The following IQGAP2 variants were observed in gnomAD, a reference collection of about 807,000 sequenced individuals.
The protein encoded by IQGAP2 is ras GTPase-activating-like protein IQGAP2.
In IQGAP2, 173 loss-of-function variants were observed where a neutral mutation model predicts 201.3. The ratio of observed to expected loss-of-function variants is 0.86; its 90% CI spans 0.76 to 0.98. The LOEUF is 0.98. Ranked by LOEUF, IQGAP2 falls within the 50% of genes least tolerant of loss-of-function variation. The pLI, the probability that IQGAP2 is intolerant of heterozygous loss-of-function variation, is 0.00. For synonymous variants in IQGAP2, 675 were observed against 673.9 expected (o/e 1.00, Z -0.03); for missense variants, 1,687 against 1,864.8 (o/e 0.90, Z 1.76).
At chr5:76,452,048 A>C (rs1416100029) in intron 1 of IQGAP2, among the ~76,000 whole-genome samples, 1 of 152,026 alleles carries the variant, frequency 6.6e-6, no homozygotes, top group Non-Finnish European at 1.5e-5. Flanking sequence ...AAAAGAAAAA[A>C]ATTTAATCTC....
chr5:76,636,950 A>T, intron 15 of IQGAP2, 84 bp from the exon 16 acceptor site: 2 of 1,132,586 alleles, frequency 1.8e-6, no homozygotes, highest in Non-Finnish European at 2.4e-6. Context: ...AAACATATTC[A>T]ATTATTTTAC....
At chr5:76,631,415 A>G (rs1290207248) in intron 14 of IQGAP2, among the ~76,000 whole-genome samples, 1 of 152,174 alleles carries the variant, frequency 6.6e-6, no homozygotes, top group Non-Finnish European at 1.5e-5. Context: ...CTTGCTAAAT[A>G]TATTAGCACT....
Position 76,695,554 on chromosome 5 carries a change from T to G in IQGAP2, c.4094T>G (p.Leu1365Arg). 6.2e-7 allele frequency: 1 copy of G among 1,614,192 alleles called. No individual in the cohort carries two copies. The highest frequency in any genetic ancestry group is 8.5e-7 in the Non-Finnish European group (1 of 1,180,010). The change falls in exon 32 of 36, where the codon CTG (leucine) becomes CGG (arginine). Residue 1365 changes from leucine to arginine, a missense_variant. By Grantham distance (102) the Leu-to-Arg change is moderately radical. Transcript: ENST00000274364. ...HSQSMIEDAQLPLEQKKRKIQ... is the reference protein window; with the variant it reads ...HSQSMIEDAQRPLEQKKRKIQ... ...CAATCTATGATTGAAGATGCACAGC[T>G]GCCTCTTGAGCAGAAGAAGAGGAAA...
intron 35 of IQGAP2, among the ~76,000 whole-genome samples, chr5:76,706,381 T>C (rs1470061729): frequency 6.6e-6 from 1 of 152,194 alleles, no homozygotes; most frequent in African/African-American, 2.4e-5. Context: ...AGAGTCTTTC[T>C]CTGTCGCTGA....
At chr5:76,449,680 C>G (rs927464981) in intron 1 of IQGAP2, among the ~76,000 whole-genome samples, 2 of 152,206 alleles carry the variant, frequency 1.3e-5, no homozygotes, top group African/African-American at 4.8e-5. Flanking sequence ...TTTTCCATCC[C>G]TGCCTAGCTT....
intron 1 of IQGAP2, among the ~76,000 whole-genome samples, chr5:76,431,876 A>G (rs1453902098): frequency 6.6e-6 from 1 of 151,248 alleles, no homozygotes. Context: ...CTTACTGCTC[A>G]GGCAGTCTCC....
intron 3 of IQGAP2, among the ~76,000 whole-genome samples, chr5:76,569,055 CT>C (rs1021251289): frequency 6.6e-6 from 1 of 152,160 alleles, no homozygotes; most frequent in Non-Finnish European, 1.5e-5. Flanking sequence ...ACTCTCTGGG[CT>C]CTGTTTATTC....
intron 30 of IQGAP2, among the ~76,000 whole-genome samples, chr5:76,689,206 A>G (rs1171902930): frequency 6.8e-6 from 1 of 148,020 alleles, no homozygotes; most frequent in African/African-American, 2.5e-5. Flanking sequence ...CTATTTTTCT[A>G]ATACTACCAA....
chr5:76,631,550 A>G (rs1272498583), intron 14 of IQGAP2, among the ~76,000 whole-genome samples: 1 of 152,196 alleles, frequency 6.6e-6, no homozygotes, highest in African/African-American at 2.4e-5. Flanking sequence ...CTACATATCT[A>G]TGTTCGTGTG....
chr5:76,556,816 C>T (rs190969812), intron 2 of IQGAP2, among the ~76,000 whole-genome samples: 46 of 152,224 alleles, frequency 3.0e-4, no homozygotes, highest in Non-Finnish European at 4.9e-4. Context: ...ATTGGAAGGA[C>T]CTTTGAGAGC....
At chr5:76,629,475 G>C (rs930855382) in intron 14 of IQGAP2, among the ~76,000 whole-genome samples, 1 of 152,144 alleles carries the variant, frequency 6.6e-6, no homozygotes, top group Non-Finnish European at 1.5e-5. Flanking sequence ...ACATTCACTG[G>C]AGTATCTTGC....
intron 17 of IQGAP2, among the ~76,000 whole-genome samples, chr5:76,647,569 C>T (rs1453674905): frequency 6.6e-6 from 1 of 152,248 alleles, no homozygotes; most frequent in East Asian, 1.9e-4. Context: ...TTCTCATTCT[C>T]TCTTGCTGCC....
intron 2 of IQGAP2, among the ~76,000 whole-genome samples, chr5:76,487,344 AC>A (rs1390902362): frequency 6.6e-6 from 1 of 152,060 alleles, no homozygotes; most frequent in African/African-American, 2.4e-5. Flanking sequence ...TGATCTGCCC[AC>A]CTTGGCTTCC....
chr5:76,419,892 A>G (rs1751633568), intron 1 of IQGAP2, among the ~76,000 whole-genome samples: 1 of 152,066 alleles, frequency 6.6e-6, no homozygotes, highest in South Asian at 2.1e-4. Flanking sequence ...CAGTGTTACC[A>G]TTACTGTGTG....
intron 30 of IQGAP2, among the ~76,000 whole-genome samples, chr5:76,686,340 TTTGTTGTTG>T (rs900661142): frequency 7.1e-6 from 1 of 140,000 alleles, no homozygotes; most frequent in Admixed American, 7.1e-5. Context: ...ATCTGTTTTT[TTTGTTGTTG>T]TTGTTGTTGT....
chr5:76,626,734 G>A (rs1403871855), intron 13 of IQGAP2, among the ~76,000 whole-genome samples: 1 of 152,140 alleles, frequency 6.6e-6, no homozygotes, highest in South Asian at 2.1e-4. Context: ...GGGACACCTT[G>A]ACACTTAGTT....
At chr5:76,623,844 T>C (rs1004357570) in intron 13 of IQGAP2, among the ~76,000 whole-genome samples, 3 of 152,182 alleles carry the variant, frequency 2.0e-5, no homozygotes, top group African/African-American at 7.2e-5. Flanking sequence ...CAATGTAATA[T>C]TGATTTCAGT....
intron 2 of IQGAP2, among the ~76,000 whole-genome samples, chr5:76,503,289 T>C (rs1757398900): frequency 6.7e-6 from 1 of 149,520 alleles, no homozygotes; most frequent in Admixed American, 6.7e-5. Context: ...TTCTCCTGCC[T>C]CAGCCTCCTG....
intron 2 of IQGAP2, among the ~76,000 whole-genome samples, chr5:76,561,287 T>A (rs1744346868): frequency 6.6e-6 from 1 of 152,208 alleles, no homozygotes; most frequent in Non-Finnish European, 1.5e-5. Flanking sequence ...TGGTCAGTAA[T>A]AACCACTTAT....
Sources: allele counts gnomAD v4.1 joint callset (sites outside exome capture counted in the v4.1 genomes callset), GRCh38; gene constraint gnomAD v4.1.1; transcripts MANE v1.5; gene names NCBI Gene and HGNC (gene_info 2026-07-23, HGNC 2026-07-21).